PPHLN1: variants seen among roughly 807,000 people sequenced by gnomAD.
PPHLN1 encodes the protein periphilin-1.
PPHLN1 carries 29 observed loss-of-function variants against 51.3 expected under a neutral mutation model. That is an observed-to-expected ratio of 0.57 (90% CI 0.42 to 0.77). The LOEUF is 0.77. PPHLN1 is among the 30% of genes least tolerant of loss of function. PPHLN1 has a pLI of 0.00. For synonymous variants in PPHLN1, 147 were observed against 147.8 expected, an observed-to-expected ratio of 0.99 and a Z score of 0.04; for missense variants, 436 against 438.4, an observed-to-expected ratio of 0.99 and a Z score of 0.05.
At chr12:42,362,001 T>C (rs994070606) in intron 4 of PPHLN1, among the ~76,000 whole-genome samples, 1 of 152,204 alleles carries the variant, frequency 6.6e-6, no homozygotes, top group Admixed American at 6.5e-5. Context: ...GTTAGCAATG[T>C]ATAAAGTTCC....
At chr12:42,347,589 G>A (rs1218260588) in intron 2 of PPHLN1, among the ~76,000 whole-genome samples, 2 of 152,170 alleles carry the variant, frequency 1.3e-5, no homozygotes, top group Non-Finnish European at 2.9e-5. Context: ...AGACCAGCCT[G>A]ACCAGTACGG....
chr12:42,383,391 C>T (rs764060396), intron 5 of PPHLN1, among the ~76,000 whole-genome samples: 1 of 152,154 alleles, frequency 6.6e-6, no homozygotes, highest in Non-Finnish European at 1.5e-5. Context: ...TCTGAAATAT[C>T]ACCATTATCT....
At chr12:42,437,785 A>T (rs1443880815) in intron 9 of PPHLN1, among the ~76,000 whole-genome samples, 5 of 152,222 alleles carry the variant, frequency 3.3e-5, no homozygotes, top group Non-Finnish European at 5.9e-5. Context: ...CCTACCATAC[A>T]GTCCCATACA....
At chr12:42,443,077 T>A, downstream of PPHLN1, 22 of 189,792 alleles carry the variant, frequency 1.2e-4, no homozygotes, top group South Asian at 5.9e-4. Context: ...ACTTTGGCCT[T>A]GCTCTACACA....
intron 2 of PPHLN1, chr12:42,350,142 C>T (rs1173084428): frequency 9.4e-5 from 14 of 148,772 alleles, no homozygotes; most frequent in African/African-American, 2.2e-4. Flanking sequence ...GGGCGGCTGC[C>T]GGGCGGGGGC....
intron 6 of PPHLN1, 85 bp from the exon 7 acceptor site, chr12:42,387,371 C>A (rs905903537): frequency 1.4e-6 from 2 of 1,397,628 alleles, no homozygotes; most frequent in South Asian, 1.4e-5. Context: ...AAGTGTATGA[C>A]CCCCACATTA....
At chr12:42,428,404 A>G (rs1472568231) in intron 9 of PPHLN1, among the ~76,000 whole-genome samples, 1 of 152,258 alleles carries the variant, frequency 6.6e-6, no homozygotes, top group African/African-American at 2.4e-5. Flanking sequence ...TGTGGTATGT[A>G]TATATACAAT....
chr12:42,401,806 TTTAG>T (rs1242303308), intron 9 of PPHLN1, among the ~76,000 whole-genome samples: 1 of 152,118 alleles, frequency 6.6e-6, no homozygotes, highest in Non-Finnish European at 1.5e-5. Context: ...TAGGAATCAT[TTTAG>T]TTATAGGGAA....
intron 2 of PPHLN1, among the ~76,000 whole-genome samples, chr12:42,336,473 G>T (rs2137813666): frequency 6.6e-6 from 1 of 152,286 alleles, no homozygotes; most frequent in South Asian, 2.1e-4. Flanking sequence ...TGGTCAGGCA[G>T]TCTGACTGGT....
chr12:42,362,334 C>T (rs2074786835), intron 4 of PPHLN1, among the ~76,000 whole-genome samples: 1 of 152,072 alleles, frequency 6.6e-6, no homozygotes, highest in African/African-American at 2.4e-5. Context: ...TGTCTTTTTA[C>T]TTTATTGATA....
At chr12:42,392,340 C>T (rs1334419999) in intron 7 of PPHLN1, among the ~76,000 whole-genome samples, 1 of 152,136 alleles carries the variant, frequency 6.6e-6, no homozygotes, top group East Asian at 1.9e-4. Flanking sequence ...TCTCTAATCA[C>T]CTTCATGGAA....
chr12:42,436,311 G>T (rs1566034526), intron 9 of PPHLN1, among the ~76,000 whole-genome samples: 1 of 152,146 alleles, frequency 6.6e-6, no homozygotes, highest in Non-Finnish European at 1.5e-5. Flanking sequence ...CATTTACTGG[G>T]TATCAGTTTT....
chr12:42,378,770 G>C (rs553511810), intron 5 of PPHLN1, among the ~76,000 whole-genome samples: 2 of 152,092 alleles, frequency 1.3e-5, no homozygotes, highest in South Asian at 4.2e-4. Flanking sequence ...TAAGCCTTTT[G>C]AGTTAATCTT....
Position 42,437,656 on chromosome 12 carries a change from T to C in PPHLN1, c.910-3659T>C, listed in dbSNP as rs542405944. 2.0e-4 allele frequency among the ~76,000 whole-genome samples: 30 copies of C among 152,328 alleles called. 1 individual carries two copies. Among genetic ancestry groups the C allele is most frequent in the South Asian group, 1.4e-3 (7 of 4,828 alleles). ...CATTACTGTGATACACTTGTTATGATTGATGAACCAATATTGATATATTAA... is the reference window on the plus strand; with the variant it reads ...CATTACTGTGATACACTTGTTATGACTGATGAACCAATATTGATATATTAA... On this transcript the variant is annotated intron_variant, in intron 9 of 9. Coordinates refer to ENST00000358314, the MANE Select transcript of PPHLN1 (RefSeq NM_201439.2).
intron 2 of PPHLN1, among the ~76,000 whole-genome samples, chr12:42,350,748 A>G (rs1398330506): frequency 2.0e-5 from 3 of 152,262 alleles, no homozygotes; most frequent in Admixed American, 6.5e-5. Context: ...AGATCACTCG[A>G]GGTCAGGAGC....
At chr12:42,332,745 C>A (rs770548260) in intron 1 of PPHLN1, 5 of 1,218,618 alleles carry the variant, frequency 4.1e-6, no homozygotes, top group South Asian at 1.4e-5. Flanking sequence ...GTTATTGTTA[C>A]ATTTTTTGTG....
At chr12:42,413,524 ATATG>A (rs1423256441) in intron 9 of PPHLN1, among the ~76,000 whole-genome samples, 2,014 of 118,926 alleles carry the variant, frequency 0.017, 27 homozygotes, top group African/African-American at 0.048. Flanking sequence ...ATATATATGT[ATATG>A]TGTGTGTGTG....
intron 2 of PPHLN1, among the ~76,000 whole-genome samples, chr12:42,350,812 A>G (rs2073226133): frequency 6.6e-6 from 1 of 152,030 alleles, no homozygotes; most frequent in Admixed American, 6.5e-5. Context: ...AAAAATACAA[A>G]AACCAGTCAG....
intron 2 of PPHLN1, among the ~76,000 whole-genome samples, chr12:42,347,758 C>T (rs1592270276): frequency 6.6e-6 from 1 of 152,244 alleles, no homozygotes; most frequent in South Asian, 2.1e-4. Context: ...GTAGCCTGTG[C>T]CGCAGAGTGA....
Sources: gnomAD v4.1 joint callset for allele counts (sites outside exome capture counted in the v4.1 genomes callset) on GRCh38, gnomAD v4.1.1 for gene constraint, MANE v1.5 for transcripts, NCBI Gene and HGNC (gene_info 2026-07-23, HGNC 2026-07-21) for gene names.